RERE: variants seen among roughly 807,000 people sequenced by gnomAD.
The protein encoded by RERE is arginine-glutamic acid dipeptide repeats.
In RERE, 40 loss-of-function variants were observed where a neutral mutation model predicts 146.1. The ratio of observed to expected loss-of-function variants is 0.27; its 90% CI spans 0.21 to 0.36. The LOEUF (loss-of-function observed/expected upper bound fraction) is 0.36. Ranked by LOEUF, RERE falls within the 10% of genes least tolerant of loss-of-function variation. RERE has a pLI of 1.00. For synonymous variants in RERE, 1,003 were observed against 866.0 expected (o/e 1.16, Z -2.78); for missense variants, 1,933 against 2,138.7 (o/e 0.90, Z 1.90).
At chr1:8,503,746 G>T (rs1412011535) in intron 8 of RERE, among the ~76,000 whole-genome samples, 1 of 152,110 alleles carries the variant, frequency 6.6e-6, no homozygotes, top group Non-Finnish European at 1.5e-5. Context: ...AATTGAGCTG[G>T]TTCTACTCTA....
chr1:8,771,030 G>T (rs1640938667), intron 1 of RERE, among the ~76,000 whole-genome samples: 1 of 152,032 alleles, frequency 6.6e-6, no homozygotes, highest in Non-Finnish European at 1.5e-5. Context: ...TCTCAGTACA[G>T]TATGTAGAAT....
At chr1:8,668,413 A>G (rs897566484) in intron 1 of RERE, among the ~76,000 whole-genome samples, 3 of 152,194 alleles carry the variant, frequency 2.0e-5, no homozygotes, top group Non-Finnish European at 4.4e-5. Context: ...TCACACAACT[A>G]AAGAGAAAAC....
At chr1:8,369,508 T>TTAAAAAAAAA (rs1285019668) in intron 12 of RERE, among the ~76,000 whole-genome samples, 9 of 76,900 alleles carry the variant, frequency 1.2e-4, no homozygotes, top group Admixed American at 1.7e-4. Context: ...CGCCTTTTAC[T>TTAAAAAAAAA]AAAAAAAAAA....
At chr1:8,518,924 CAATA>C (rs1268912480) in intron 7 of RERE, among the ~76,000 whole-genome samples, 4 of 152,080 alleles carry the variant, frequency 2.6e-5, no homozygotes, top group Admixed American at 6.5e-5. Flanking sequence ...TAAGAAACAG[CAATA>C]AATAAATAAA....
chr1:8,694,030 A>C (rs1474323237), intron 1 of RERE, among the ~76,000 whole-genome samples: 3 of 33,796 alleles, frequency 8.9e-5, no homozygotes, highest in Non-Finnish European at 1.4e-4. Flanking sequence ...TTTCTTTCCC[A>C]AAAAAAAAAA....
At chr1:8,696,843 G>A (rs1167204781) in intron 1 of RERE, among the ~76,000 whole-genome samples, 1 of 152,086 alleles carries the variant, frequency 6.6e-6, no homozygotes, top group Non-Finnish European at 1.5e-5. Context: ...CCAGGAGGCA[G>A]AGATTATAGA....
At chr1:8,701,222 C>T (rs1391523980) in intron 1 of RERE, among the ~76,000 whole-genome samples, 1 of 151,878 alleles carries the variant, frequency 6.6e-6, no homozygotes, top group African/African-American at 2.4e-5. Context: ...CTTCCCTCCC[C>T]TAACCTACAA....
At chr1:8,405,302 A>G (rs577197125) in intron 12 of RERE, among the ~76,000 whole-genome samples, 2 of 152,208 alleles carry the variant, frequency 1.3e-5, no homozygotes, top group Non-Finnish European at 2.9e-5. Context: ...AGATAAGACA[A>G]AGTCACTCAT....
chr1:8,484,650 C>CA (rs1644875935), intron 10 of RERE, among the ~76,000 whole-genome samples: 1 of 152,108 alleles, frequency 6.6e-6, no homozygotes, highest in Admixed American at 6.5e-5. Context: ...ATGGAACTCC[C>CA]AGCCTCAGGT....
At chr1:8,509,072 G>A (rs1570365343) in intron 7 of RERE, among the ~76,000 whole-genome samples, 4 of 152,106 alleles carry the variant, frequency 2.6e-5, no homozygotes, top group East Asian at 1.9e-4. Context: ...CTACCACCAC[G>A]CCCGGCTAAT....
chr1:8,789,591 G>A (rs193150387), intron 1 of RERE, among the ~76,000 whole-genome samples: 6 of 151,962 alleles, frequency 3.9e-5, no homozygotes, highest in South Asian at 4.2e-4. Flanking sequence ...TCTGGCTGAC[G>A]TGCTACCTTA....
intron 4 of RERE, among the ~76,000 whole-genome samples, chr1:8,569,062 C>A (rs1646186472): frequency 6.6e-6 from 1 of 152,164 alleles, no homozygotes; most frequent in Non-Finnish European, 1.5e-5. Context: ...GAATCCCATT[C>A]TAAACAGTAT....
chr1:8,601,752 C>G (rs1409476444), intron 4 of RERE, among the ~76,000 whole-genome samples: 2 of 145,256 alleles, frequency 1.4e-5, no homozygotes, highest in Admixed American at 6.8e-5. Context: ...CACACACACA[C>G]ACACACACAC....
intron 10 of RERE, among the ~76,000 whole-genome samples, chr1:8,481,135 T>C (rs911733830): frequency 2.6e-5 from 4 of 152,190 alleles, no homozygotes; most frequent in African/African-American, 4.8e-5. Context: ...TTTCTGTTTC[T>C]GAGACGGGGT....
rs993086500 is a variant in RERE, at chr1:8,361,333, G to C, written c.2174C>G (p.Ser725Trp). The C allele has an allele frequency of 6.2e-7, 1 of 1,613,176 alleles. No homozygotes were observed. Among genetic ancestry groups the C allele is most frequent in the Non-Finnish European group, 8.5e-7 (1 of 1,179,522 alleles). ...IPSPQDNESD[S>W]DSSAQQQMLQ... ...CATCTGCTGCTGGGCTGACGAGTCC[G>C]AGTCACTCTCATTGTCCTGGGGGCT... The change falls in exon 18 of 23, where the codon TCG (serine) becomes TGG (tryptophan). Residue 725 changes from serine (S) to tryptophan (W), a missense_variant. Around this residue, in one of 11 missense-constraint regions of RERE, gnomAD observed 1,255 missense variants for 1,153.8 expected, o/e 1.09. Transcript: ENST00000400908.
intron 12 of RERE, among the ~76,000 whole-genome samples, chr1:8,410,678 A>G (rs2124455772): frequency 6.6e-6 from 1 of 152,346 alleles, no homozygotes; most frequent in East Asian, 1.9e-4. Flanking sequence ...GGCCTTTCAA[A>G]CAAGTTTTAA....
intron 4 of RERE, among the ~76,000 whole-genome samples, chr1:8,595,766 T>C (rs2124117898): frequency 1.3e-5 from 2 of 152,224 alleles, no homozygotes; most frequent in Admixed American, 1.3e-4. Context: ...GGAGGAGTGG[T>C]TAGAGGGATG....
intron 2 of RERE, among the ~76,000 whole-genome samples, chr1:8,643,203 T>C (rs573820025): frequency 3.3e-5 from 5 of 152,252 alleles, no homozygotes; most frequent in East Asian, 1.9e-4. Context: ...AGTTAAGAGG[T>C]AGAAGAGTGG....
At chr1:8,487,438 G>C (rs1176113184) in intron 10 of RERE, among the ~76,000 whole-genome samples, 1 of 152,064 alleles carries the variant, frequency 6.6e-6, no homozygotes. Flanking sequence ...AATTAGCTGG[G>C]CATGATGGTG....
Sources: gnomAD v4.1 joint callset for allele counts (sites outside exome capture counted in the v4.1 genomes callset) on GRCh38, gnomAD v4.1.1 for gene constraint, gnomAD v4.1.1 regional missense constraint, MANE v1.5 for transcripts, NCBI Gene and HGNC (gene_info 2026-07-23, HGNC 2026-07-21) for gene names.